The following SEM1 variants were observed in gnomAD, a reference collection of about 807,000 sequenced individuals.
SEM1 encodes SEM1 26S proteasome subunit, also known as 26S proteasome complex subunit SEM1.
SEM1 carries 3 observed loss-of-function variants against 12.7 expected under a neutral mutation model. The observed-to-expected ratio is 0.24, with a 90% CI of 0.11 to 0.61. SEM1 has a LOEUF of 0.61. Among genes scored for constraint, SEM1 ranks in the 20% least tolerant of loss-of-function variants. The pLI is 0.88. For synonymous variants in SEM1, 30 were observed against 27.8 expected, an observed-to-expected ratio of 1.08 and a Z score of -0.25; for missense variants, 59 against 81.3, an observed-to-expected ratio of 0.73 and a Z score of 1.06.
rs191920981 is a variant in SEM1 at position 96,502,934 on chromosome 7, C to A, written c.*60+3689G>T. 7.2e-5 allele frequency among the ~76,000 whole-genome samples: 11 copies of A among 152,286 alleles called. No individual in the cohort carries two copies. In the East Asian group the frequency reaches 1.9e-3, roughly 27 times the overall value. ...TTTCAGTCTGAGAAATGGCTTGGAT[C>A]TCACAGTTTCTCTAGGGGTCTCTCC... On this transcript the variant is annotated intron_variant and NMD_transcript_variant, in intron 3 of 3. Coordinates refer to the SEM1 transcript ENST00000466986.
chr7:96,503,375 G>A (rs1478089382), intron 3 of SEM1: 1 of 152,090 alleles, frequency 6.6e-6, no homozygotes, highest in African/African-American at 2.4e-5. Flanking sequence ...TATTCTGAAA[G>A]CCTCTTCTTG....
intron 2 of SEM1, among the ~76,000 whole-genome samples, chr7:96,485,697 C>G: frequency 6.6e-6 from 1 of 151,844 alleles, no homozygotes; most frequent in East Asian, 1.9e-4. Context: ...CGCATGCCAC[C>G]ATGCCCTGTA....
chr7:96,603,435 C>T (rs1169860911), intron 2 of SEM1, among the ~76,000 whole-genome samples: 2 of 152,256 alleles, frequency 1.3e-5, no homozygotes, highest in East Asian at 3.9e-4. Context: ...GGCTGTCAGT[C>T]AGGACCTCCC....
chr7:96,615,238 C>CTTTT (rs1807672872), intron 2 of SEM1, among the ~76,000 whole-genome samples: 39 of 30,462 alleles, frequency 1.3e-3, no homozygotes, highest in African/African-American at 2.8e-3. Flanking sequence ...TTTTTTGAGT[C>CTTTT]ATCTTTTTTT....
chr7:96,631,984 C>G (rs1418769488), intron 2 of SEM1, among the ~76,000 whole-genome samples: 1 of 152,126 alleles, frequency 6.6e-6, no homozygotes, highest in Non-Finnish European at 1.5e-5. Context: ...AACAGAAATG[C>G]AAATCAAAAC....
chr7:96,487,334 GAAA>G lies in SEM1; in HGVS notation c.13-920_13-918del, dbSNP rs1289662464. Among the ~76,000 whole-genome samples, 9 of 149,938 alleles carry G rather than the reference GAAA, an allele frequency of 6.0e-5. 1 individual carries two copies. The highest frequency in any genetic ancestry group is 2.3e-4 in the African/African-American group (9 of 39,412). On this transcript the variant is annotated intron_variant, in intron 1 of 3. Coordinates refer to the SEM1 transcript ENST00000356686. Reference sequence around the variant, plus strand: ...CTATACTATGAGTCTGAGGCCAAAAGAAAAAAATTAGTAACACTAACCCAAAAC... The same window carrying G: ...CTATACTATGAGTCTGAGGCCAAAAGAAAATTAGTAACACTAACCCAAAAC...
intron 2 of SEM1, among the ~76,000 whole-genome samples, chr7:96,610,432 T>C (rs1028859521): frequency 6.6e-6 from 1 of 152,078 alleles, no homozygotes; most frequent in Non-Finnish European, 1.5e-5. Flanking sequence ...TTTCCTATCC[T>C]GAGGGAGAGA....
chr7:96,643,243 G>T (rs1015613254), intron 2 of SEM1, among the ~76,000 whole-genome samples: 1 of 152,004 alleles, frequency 6.6e-6, no homozygotes, highest in Non-Finnish European at 1.5e-5. Context: ...AAAGATAATG[G>T]CCTCCAGCTC....
chr7:96,604,641 G>A (rs1333825923), intron 2 of SEM1, among the ~76,000 whole-genome samples: 8 of 151,930 alleles, frequency 5.3e-5, no homozygotes, highest in Admixed American at 6.6e-5. Context: ...AATCAGGGCC[G>A]GGTGTGGTGG....
intron 2 of SEM1, among the ~76,000 whole-genome samples, chr7:96,664,931 C>A (rs1365100661): frequency 6.6e-6 from 1 of 152,192 alleles, no homozygotes; most frequent in Non-Finnish European, 1.5e-5. Flanking sequence ...AAGTAGTGGA[C>A]ACACAGCAGT....
At chr7:96,657,041 A>T (rs1255754190) in intron 2 of SEM1, among the ~76,000 whole-genome samples, 4 of 152,192 alleles carry the variant, frequency 2.6e-5, no homozygotes, top group Non-Finnish European at 4.4e-5. Context: ...AATATGCAGC[A>T]TCTATTATTC....
intron 2 of SEM1, among the ~76,000 whole-genome samples, chr7:96,694,419 C>A (rs1790027417): frequency 6.6e-6 from 1 of 151,930 alleles, no homozygotes; most frequent in Non-Finnish European, 1.5e-5. Context: ...ATTCTCACAA[C>A]CCCAATCTCC....
downstream of SEM1, among the ~76,000 whole-genome samples, chr7:96,685,358 A>C (rs1216426549): frequency 4.6e-5 from 7 of 152,130 alleles, no homozygotes; most frequent in African/African-American, 1.4e-4. Context: ...TAGGGGAAAA[A>C]AGGGAGTCAT....
At chr7:96,631,643 G>T (rs1808265866) in intron 2 of SEM1, among the ~76,000 whole-genome samples, 2 of 152,036 alleles carry the variant, frequency 1.3e-5, no homozygotes, top group South Asian at 4.2e-4. Flanking sequence ...CATAGGCATG[G>T]GCAAAGACTC....
intron 2 of SEM1, among the ~76,000 whole-genome samples, chr7:96,661,119 A>C (rs1227020330): frequency 1.3e-5 from 2 of 152,154 alleles, no homozygotes; most frequent in Non-Finnish European, 2.9e-5. Flanking sequence ...AGATGAAGAA[A>C]TTGAGGCACA....
chr7:96,607,170 C>T (rs1282941100), intron 2 of SEM1, among the ~76,000 whole-genome samples: 1 of 152,154 alleles, frequency 6.6e-6, no homozygotes, highest in Non-Finnish European at 1.5e-5. Context: ...GTGAAACAAA[C>T]AGATAAAATT....
intron 2 of SEM1, among the ~76,000 whole-genome samples, chr7:96,630,158 C>T (rs2116330182): frequency 6.6e-6 from 1 of 152,238 alleles, no homozygotes; most frequent in East Asian, 1.9e-4. Flanking sequence ...GCTTAAGGCC[C>T]TAGGGCTCTA....
chr7:96,641,946 A>G (rs1808626087), intron 2 of SEM1, among the ~76,000 whole-genome samples: 1 of 152,076 alleles, frequency 6.6e-6, no homozygotes, highest in African/African-American at 2.4e-5. Flanking sequence ...CACATGAGAA[A>G]GAAAGCATTG....
intron 2 of SEM1, among the ~76,000 whole-genome samples, chr7:96,593,985 ATATATT>A (rs1806916952): frequency 6.6e-6 from 1 of 151,776 alleles, no homozygotes. Flanking sequence ...TTCATGAAAA[ATATATT>A]ATTAACAATT....
Sources: gnomAD v4.1 joint callset for allele counts (sites outside exome capture counted in the v4.1 genomes callset) on GRCh38, gnomAD v4.1.1 for gene constraint, MANE v1.5 for transcripts, NCBI Gene and HGNC (gene_info 2026-07-23, HGNC 2026-07-21) for gene names.